DOCK8: variants seen among roughly 807,000 people sequenced by gnomAD.
The protein encoded by DOCK8 is dedicator of cytokinesis protein 8.
In DOCK8, 141 loss-of-function variants were observed where a neutral mutation model predicts 245.6. That is an observed-to-expected ratio of 0.57 (90% CI 0.50 to 0.66). DOCK8 has a LOEUF of 0.66. Among genes scored for constraint, DOCK8 ranks in the 30% least tolerant of loss-of-function variants. DOCK8 has a pLI of 0.00. For synonymous variants in DOCK8, 1,168 were observed against 970.2 expected (o/e 1.20, Z -3.79); for missense variants, 2,965 against 2,603.4 (o/e 1.14, Z -3.02).
Position 386,348 on chromosome 9 carries a change from C to T in DOCK8, c.2796C>T (p.Cys932=). The change falls in exon 23 of 48, where the codon TGC becomes TGT. Residue 932 remains cysteine, a synonymous_variant. Transcript: ENST00000432829. ...IMSSKIADRN[C]SRMSYYCSGS... ...TATTTTAGATCGCCGATCGCAACTG[C>T]AGCCGAATGTCTTACTATTGCTCTG... 6.2e-7 allele frequency: 1 copy of T among 1,613,838 alleles called. No individual in the cohort carries two copies. Among genetic ancestry groups the T allele is most frequent in the Admixed American group, 1.7e-5 (1 of 60,016 alleles).
chr9:334,596 G>GTA (rs1316067794), intron 11 of DOCK8, among the ~76,000 whole-genome samples: 1 of 152,180 alleles, frequency 6.6e-6, no homozygotes, highest in Non-Finnish European at 1.5e-5. Flanking sequence ...TGAAGATTAA[G>GTA]TATACTCTTA....
chr9:410,005 G>A (rs911247896), intron 28 of DOCK8, among the ~76,000 whole-genome samples: 1 of 152,288 alleles, frequency 6.6e-6, no homozygotes, highest in Middle Eastern at 3.4e-3. Context: ...GCAATAAAAG[G>A]ATTATAAATC....
chr9:323,449 C>G (rs1299537116), intron 7 of DOCK8, among the ~76,000 whole-genome samples: 4 of 151,964 alleles, frequency 2.6e-5, no homozygotes, highest in African/African-American at 9.7e-5. Flanking sequence ...TCTTGAACTC[C>G]TGACCTCATG....
At chr9:238,079 G>A (rs1223021055) in intron 1 of DOCK8, among the ~76,000 whole-genome samples, 2 of 152,080 alleles carry the variant, frequency 1.3e-5, no homozygotes, top group African/African-American at 2.4e-5. Flanking sequence ...GACTCCTCTT[G>A]TTTTATTCAC....
intron 14 of DOCK8, among the ~76,000 whole-genome samples, chr9:342,623 C>G (rs1042957368): frequency 7.2e-5 from 11 of 152,054 alleles, no homozygotes; most frequent in Non-Finnish European, 1.6e-4. Flanking sequence ...GTGCCTGCCA[C>G]CACACCCAGT....
At chr9:320,085 C>A (rs1452837223) in intron 7 of DOCK8, among the ~76,000 whole-genome samples, 1 of 152,246 alleles carries the variant, frequency 6.6e-6, no homozygotes, top group African/African-American at 2.4e-5. Flanking sequence ...GGGGACTACA[C>A]TTAAAGAACA....
At position 382,670 on chromosome 9, in the gene DOCK8, C is replaced by T; in HGVS notation, c.2763C>T (p.Asn921=). Reference sequence around the variant, plus strand: ...CCGCAGCAGACGAGGAAGTGAAGAACATCATGTCTTCAAAGGTAGGAAAGA... The same window carrying T: ...CCGCAGCAGACGAGGAAGTGAAGAATATCATGTCTTCAAAGGTAGGAAAGA... ...THSAADEEVK[N]IMSSKIADRN... Residue 921 remains asparagine (N), a synonymous_variant, in exon 22 of 48, where the codon AAC becomes AAT. Coordinates refer to ENST00000432829, the MANE Select transcript of DOCK8 (RefSeq NM_203447.4). 1 of 1,614,186 alleles carries T rather than the reference C, an allele frequency of 6.2e-7. No homozygotes were observed.
At chr9:353,297 T>G (rs1468858325) in intron 14 of DOCK8, among the ~76,000 whole-genome samples, 1 of 152,168 alleles carries the variant, frequency 6.6e-6, no homozygotes, top group Non-Finnish European at 1.5e-5. Flanking sequence ...CTGGCCAATT[T>G]ATTTCCCAGC....
intron 14 of DOCK8, among the ~76,000 whole-genome samples, chr9:352,586 A>G (rs150903754): frequency 0.017 from 2,595 of 152,132 alleles, 82 homozygotes; most frequent in African/African-American, 0.059. Context: ...TACTAAAAAT[A>G]CAAAAAATTA....
At chr9:451,933 GTA>G (rs1470196499) in intron 45 of DOCK8, 76 bp from the exon 46 acceptor site, 8 of 307,608 alleles carry the variant, frequency 2.6e-5, no homozygotes, top group South Asian at 2.0e-4. Flanking sequence ...ATATGTATGT[GTA>G]TATATATATG....
intron 1 of DOCK8, among the ~76,000 whole-genome samples, chr9:243,421 C>A (rs913802358): frequency 4.6e-5 from 7 of 152,176 alleles, no homozygotes; most frequent in Non-Finnish European, 7.3e-5. Context: ...CAGTGCGCTG[C>A]TGATCAGACT....
intron 23 of DOCK8, 124 bp downstream of exon 23, chr9:386,550 A>G: frequency 2.6e-6 from 2 of 766,684 alleles, no homozygotes; most frequent in Non-Finnish European, 4.4e-6. Context: ...GCTAACACAC[A>G]CACACCCCAC....
At chr9:281,583 C>G (rs1399565480) in intron 2 of DOCK8, among the ~76,000 whole-genome samples, 2 of 152,092 alleles carry the variant, frequency 1.3e-5, no homozygotes, top group African/African-American at 4.8e-5. Context: ...GTAACTCTCT[C>G]CAATATTTGT....
chr9:329,995 A>G (rs993037914), intron 9 of DOCK8, among the ~76,000 whole-genome samples: 2 of 152,194 alleles, frequency 1.3e-5, no homozygotes, highest in South Asian at 2.1e-4. Flanking sequence ...CCCTTTAAAT[A>G]TATAGTAAAT....
intron 6 of DOCK8, among the ~76,000 whole-genome samples, chr9:313,195 A>G (rs1218871230): frequency 6.6e-6 from 1 of 152,236 alleles, no homozygotes; most frequent in Non-Finnish European, 1.5e-5. Context: ...CCTACTCACC[A>G]TCTAGCACCT....
At position 265,389 on chromosome 9, in the gene DOCK8, G is replaced by A. The variant is rs1036162976; in HGVS notation, c.54-6238G>A. 5.3e-5 allele frequency among the ~76,000 whole-genome samples: 8 copies of A among 152,348 alleles called. No homozygotes were observed. The East Asian group carries it at 1.5e-3, about 29-fold the overall frequency. ...TTTGCAAGGTTTAATTATACTGTGT[G>A]TTGTGGTTGCATGCATAGGTACACC... On this transcript the variant is annotated intron_variant, in intron 1 of 47. Coordinates refer to ENST00000432829, the MANE Select transcript of DOCK8 (RefSeq NM_203447.4).
At chr9:316,301 CTACTTATTT>C (rs1554666149) in intron 6 of DOCK8, among the ~76,000 whole-genome samples, 1 of 151,758 alleles carries the variant, frequency 6.6e-6, no homozygotes, top group Non-Finnish European at 1.5e-5. Context: ...AGGATTTGCA[CTACTTATTT>C]TTGCATACAT....
chr9:400,013 T>TCACCATCACCACCACCTCCACCATCAC (rs2054689769), intron 26 of DOCK8, among the ~76,000 whole-genome samples: 1 of 45,704 alleles, frequency 2.2e-5, no homozygotes, highest in South Asian at 1.2e-3. Context: ...ACCTCCACCA[T>TCACCATCACCACCACCTCCACCATCAC]CACCACCACC....
chr9:303,149 G>T (rs1419602623), intron 4 of DOCK8, among the ~76,000 whole-genome samples: 1 of 151,232 alleles, frequency 6.6e-6, no homozygotes, highest in Non-Finnish European at 1.5e-5. Context: ...AGCAGAACGA[G>T]ACCCTGTCTC....
Sources: allele counts gnomAD v4.1 joint callset (sites outside exome capture counted in the v4.1 genomes callset), GRCh38; gene constraint gnomAD v4.1.1; transcripts MANE v1.5; gene names NCBI Gene and HGNC (gene_info 2026-07-23, HGNC 2026-07-21).